Variants in ACSL1 observed in about 807,000 individuals in gnomAD.
The protein encoded by ACSL1 is long-chain-fatty-acid--CoA ligase 1.
In ACSL1, 41 loss-of-function variants were observed where a neutral mutation model predicts 98.4. The ratio of observed to expected loss-of-function variants is 0.42; its 90% CI spans 0.32 to 0.54. The LOEUF is 0.54. ACSL1 is among the 20% of genes least tolerant of loss of function. The pLI is 0.13. For synonymous variants in ACSL1, 316 were observed against 322.7 expected, an observed-to-expected ratio of 0.98 and a Z score of 0.22; for missense variants, 734 against 883.1, an observed-to-expected ratio of 0.83 and a Z score of 2.14.
At chr4:184,763,129 A>G (rs759497640) in intron 16 of ACSL1, 38 bp downstream of exon 16, 9 of 1,604,582 alleles carry the variant, frequency 5.6e-6, no homozygotes, top group Non-Finnish European at 7.7e-6. Context: ...ATCACAGGAA[A>G]TGGCAGCGAG....
At chr4:184,814,064 G>A (rs191562699) in intron 1 of ACSL1, among the ~76,000 whole-genome samples, 4 of 152,148 alleles carry the variant, frequency 2.6e-5, no homozygotes, top group Non-Finnish European at 5.9e-5. Flanking sequence ...GCCGAGGCGG[G>A]TGGATCACGA....
At chr4:184,767,835 T>C (rs1200902035) in intron 12 of ACSL1, among the ~76,000 whole-genome samples, 1 of 152,236 alleles carries the variant, frequency 6.6e-6, no homozygotes, top group Non-Finnish European at 1.5e-5. Context: ...GGGGCTGGTG[T>C]TCTCTTGGGC....
chr4:184,805,246 A>C (rs1771232484), intron 1 of ACSL1, among the ~76,000 whole-genome samples: 2 of 152,090 alleles, frequency 1.3e-5, no homozygotes. Flanking sequence ...AAATACAGAA[A>C]TTTTCTGCTA....
rs370190232 is a variant in ACSL1 at position 184,788,690 on chromosome 4, G to A, written c.237C>T (p.Asp79=). The A allele has an allele frequency of 1.9e-5, 31 of 1,613,994 alleles. No individual in the cohort carries two copies. Among genetic ancestry groups the A allele is most frequent in the Non-Finnish European group, 2.4e-5 (28 of 1,180,032 alleles). The change falls in exon 3 of 21, where the codon GAC becomes GAT. Residue 79 remains aspartate (D), a synonymous_variant. Coordinates refer to ENST00000281455, the MANE Select transcript of ACSL1 (RefSeq NM_001995.5). The part of the protein sequence containing the change: ...GARRSALLDS[D]EPLVYFYDDV... ...CATCATAGAAATACACCAAGGGCTC[G>A]TCGCTGTCAAGTAGTGCGGATCTTC...
At chr4:184,813,933 A>T (rs1475814014) in intron 1 of ACSL1, 1 of 451,608 alleles carries the variant, frequency 2.2e-6, no homozygotes, top group Non-Finnish European at 4.5e-6. Context: ...GGGTCCTCTC[A>T]GGTGCTCTGC....
At chr4:184,801,525 C>T (rs1024481082) in intron 2 of ACSL1, among the ~76,000 whole-genome samples, 1 of 152,212 alleles carries the variant, frequency 6.6e-6, no homozygotes, top group Admixed American at 6.5e-5. Flanking sequence ...TCCTCTTTCC[C>T]TGCCCTAGGT....
chr4:184,797,950 G>A (rs1769734099), intron 2 of ACSL1, among the ~76,000 whole-genome samples: 1 of 152,198 alleles, frequency 6.6e-6, no homozygotes, highest in South Asian at 2.1e-4. Flanking sequence ...ATGAAGCATA[G>A]GATTAAAATG....
chr4:184,760,625 G>A, intron 17 of ACSL1, 125 bp from the exon 18 acceptor site: 1 of 1,358,776 alleles, frequency 7.4e-7, no homozygotes, highest in South Asian at 1.4e-5. Flanking sequence ...ACATCCCACA[G>A]AGGTCAGTTA....
intron 17 of ACSL1, among the ~76,000 whole-genome samples, 167 bp downstream of exon 17, chr4:184,762,240 T>C (rs1762962260): frequency 6.8e-6 from 1 of 146,004 alleles, no homozygotes; most frequent in Non-Finnish European, 1.5e-5. Flanking sequence ...AGTGTAACCC[T>C]GTCCCCTGCA....
Position 184,803,929 on chromosome 4 carries a change from C to T in ACSL1, c.-32-383G>A, listed in dbSNP as rs1482000456. 2.0e-5 allele frequency among the ~76,000 whole-genome samples: 3 copies of T among 152,204 alleles called. 1 individual carries two copies. Among genetic ancestry groups the T allele is most frequent in the Non-Finnish European group, 4.4e-5 (3 of 68,038 alleles). On this transcript the variant is annotated intron_variant, in intron 1 of 20. Transcript: ENST00000281455. The surrounding 1 kb of genome is among the most constrained non-coding windows in gnomAD (Gnocchi z 4.8). The stretch of plus-strand genomic sequence containing the variant: ...CATCCACCTAATCAAAAACACTCGA[C>T]TCTCATTGTCAAGGCTAATGGGAAT...
At chr4:184,761,724 A>C (rs562733394) in intron 17 of ACSL1, among the ~76,000 whole-genome samples, 35 of 152,304 alleles carry the variant, frequency 2.3e-4, no homozygotes, top group Non-Finnish European at 3.8e-4. Context: ...CTTCCCCCAG[A>C]TCTTATTTAA....
At chr4:184,768,562 C>G (rs1763986038) in intron 11 of ACSL1, 112 bp from the exon 12 acceptor site, 2 of 1,441,034 alleles carry the variant, frequency 1.4e-6, no homozygotes, top group East Asian at 5.2e-5. Context: ...TTCCAGAAAT[C>G]TTAAATTTCC....
Position 184,803,535 on chromosome 4 carries a change from C to T in ACSL1, c.-21G>A. On this transcript the variant is annotated 5_prime_UTR_variant, in exon 2 of 21. Coordinates refer to ENST00000281455, the MANE Select transcript of ACSL1 (RefSeq NM_001995.5). The surrounding 1 kb of genome is among the most constrained non-coding windows in gnomAD (Gnocchi z 4.8). Reference sequence around the variant, plus strand: ...TGCATTGTCCTGTGTTGATAGTTCTCTAAGCTGAATTCTGTTGGGAGAGAA... The same window carrying T: ...TGCATTGTCCTGTGTTGATAGTTCTTTAAGCTGAATTCTGTTGGGAGAGAA... 6.8e-7 allele frequency: 1 copy of T among 1,474,746 alleles called. No individual in the cohort carries two copies. Among genetic ancestry groups the T allele is most frequent in the Non-Finnish European group, 9.1e-7 (1 of 1,104,688 alleles). 91.4% of individuals were successfully genotyped at this position (1,474,746 alleles called of 1,614,324 possible).
intron 10 of ACSL1, among the ~76,000 whole-genome samples, chr4:184,772,433 C>T (rs1764644487): frequency 1.3e-5 from 2 of 152,152 alleles, no homozygotes; most frequent in Non-Finnish European, 2.9e-5. Context: ...AAGGAAAAGG[C>T]ATATGGTTCA....
rs768301715 is a variant in ACSL1 at position 184,803,455 on chromosome 4, C to A, written c.60G>T (p.Gln20His). The change falls in exon 2 of 21, where the codon CAG becomes CAT. Residue 20 changes from glutamine (Q) to histidine (H), a missense_variant. Coordinates refer to ENST00000281455, the MANE Select transcript of ACSL1 (RefSeq NM_001995.5). The surrounding 1 kb of genome is among the most constrained non-coding windows in gnomAD (Gnocchi z 4.8). ...TGTTGGTCGGAAGAGTACGCACGTACTGTCGGAAGTCAACCAGCTCTGGCA... is the reference window on the plus strand; with the variant it reads ...TGTTGGTCGGAAGAGTACGCACGTAATGTCGGAAGTCAACCAGCTCTGGCA... ...FRMPELVDFR[Q>H]YVRTLPTNTL... The A allele has an allele frequency of 6.2e-7, 1 of 1,613,262 alleles. No individual in the cohort carries two copies. Among genetic ancestry groups the A allele is most frequent in the African/African-American group, 1.3e-5 (1 of 75,002 alleles).
chr4:184,775,768 AT>A (rs1401076824), intron 7 of ACSL1, among the ~76,000 whole-genome samples: 1 of 152,202 alleles, frequency 6.6e-6, no homozygotes, highest in African/African-American at 2.4e-5. Flanking sequence ...TCAGAAAAAT[AT>A]TTCTAACACC....
At chr4:184,813,049 A>G (rs1772280588) in intron 1 of ACSL1, among the ~76,000 whole-genome samples, 1 of 152,168 alleles carries the variant, frequency 6.6e-6, no homozygotes, top group South Asian at 2.1e-4. Context: ...AAAACAAAAC[A>G]AAACATATAG....
At chr4:184,796,323 T>C (rs55865328) in intron 2 of ACSL1, among the ~76,000 whole-genome samples, 15,375 of 152,164 alleles carry the variant, frequency 0.1, 950 homozygotes, top group Non-Finnish European at 0.14. Flanking sequence ...GAGTTAATGC[T>C]CCTTAATAAA....
intron 15 of ACSL1, 108 bp from the exon 16 acceptor site, chr4:184,763,363 A>T: frequency 1.0e-6 from 1 of 1,004,804 alleles, no homozygotes; most frequent in South Asian, 1.5e-5. Context: ...CGGCTGGGAT[A>T]AACTTCTGAT....
Sources: allele counts gnomAD v4.1 joint callset (sites outside exome capture counted in the v4.1 genomes callset), GRCh38; gene constraint gnomAD v4.1.1; non-coding constraint Gnocchi (gnomAD v3.1); transcripts MANE v1.5; gene names NCBI Gene and HGNC (gene_info 2026-07-23, HGNC 2026-07-21).